C10orf90: variants seen among roughly 807,000 people sequenced by gnomAD.
The protein encoded by C10orf90 is chromosome 10 open reading frame 90.
C10orf90 carries 56 observed loss-of-function variants against 62.5 expected under a neutral mutation model. The observed-to-expected ratio is 0.90, with a 90% CI of 0.72 to 1.12. C10orf90 has a LOEUF of 1.12. C10orf90 is among the 50% of genes most tolerant of loss of function. The probability of loss-of-function intolerance (pLI) is 0.00; values close to 1 mark genes in which losing one functional copy is unlikely to be tolerated. For synonymous variants in C10orf90, 386 were observed against 340.4 expected, an observed-to-expected ratio of 1.13 and a Z score of -1.47; for missense variants, 970 against 880.4, an observed-to-expected ratio of 1.10 and a Z score of -1.29.
At chr10:126,543,936 A>T (rs1864432127) in intron 2 of C10orf90, among the ~76,000 whole-genome samples, 1 of 152,188 alleles carries the variant, frequency 6.6e-6, no homozygotes, top group South Asian at 2.1e-4. Context: ...GGTCGCGGTG[A>T]CATGTCAGCA....
intron 2 of C10orf90, among the ~76,000 whole-genome samples, chr10:126,519,735 AAGTCTTCCTGTCTTC>A (rs767508826): frequency 6.6e-6 from 1 of 152,146 alleles, no homozygotes; most frequent in Non-Finnish European, 1.5e-5. Context: ...TTTCTCTGGG[AAGTCTTCCTGTCTTC>A]AACTTCTGGT....
Position 126,621,644 on chromosome 10 carries a change from TA to T in C10orf90, c.313+24920del, listed in dbSNP as rs1290028647. Among the ~76,000 whole-genome samples the T allele has an allele frequency of 2.0e-5, 3 of 152,362 alleles. No homozygotes were observed. The East Asian group carries it at 5.8e-4, about 29-fold the overall frequency. ...TGATAATGATGACATATGGTATATT[TA>T]TTTTTAGTGGCATCTGCCATGAATA... On this transcript the variant is annotated intron_variant, in intron 2 of 9. Transcript: ENST00000488181.
intron 5 of C10orf90, among the ~76,000 whole-genome samples, chr10:126,461,968 C>T (rs1860012866): frequency 6.6e-6 from 1 of 152,156 alleles, no homozygotes; most frequent in African/African-American, 2.4e-5. Context: ...GCACTTACTA[C>T]ACTGATGATA....
chr10:126,518,711 G>A (rs1448484749), intron 2 of C10orf90, among the ~76,000 whole-genome samples: 1 of 152,158 alleles, frequency 6.6e-6, no homozygotes, highest in African/African-American at 2.4e-5. Flanking sequence ...GTGCTCACTA[G>A]TAGGTGCTAA....
chr10:126,629,082 C>G (rs1375539222), intron 2 of C10orf90, among the ~76,000 whole-genome samples: 4 of 152,198 alleles, frequency 2.6e-5, no homozygotes, highest in Non-Finnish European at 5.9e-5. Context: ...GCCAGTGTTC[C>G]AGACAATTAC....
intron 2 of C10orf90, among the ~76,000 whole-genome samples, chr10:126,603,787 C>T (rs1845249372): frequency 1.3e-5 from 2 of 152,120 alleles, no homozygotes; most frequent in Non-Finnish European, 2.9e-5. Context: ...ACCTCCCAGG[C>T]CGAAAAGGCC....
At chr10:126,608,940 G>A (rs1260641578) in intron 2 of C10orf90, among the ~76,000 whole-genome samples, 1 of 152,112 alleles carries the variant, frequency 6.6e-6, no homozygotes, top group Non-Finnish European at 1.5e-5. Flanking sequence ...ACTCTTCGGG[G>A]CCTCCAATAA....
At chr10:126,533,615 A>G (rs1457264983) in intron 2 of C10orf90, among the ~76,000 whole-genome samples, 1 of 152,148 alleles carries the variant, frequency 6.6e-6, no homozygotes, top group East Asian at 1.9e-4. Flanking sequence ...GAGCCCCCAC[A>G]TTTGAGTCCT....
chr10:126,464,650 C>T (rs11244990), intron 5 of C10orf90, 46 bp downstream of exon 5: 12 of 1,554,958 alleles, frequency 7.7e-6, no homozygotes, highest in South Asian at 7.2e-5. Flanking sequence ...AAATTTTTAT[C>T]GAATGTCAAG....
chr10:126,439,679 A>C (rs968245160), intron 7 of C10orf90, among the ~76,000 whole-genome samples: 1 of 152,214 alleles, frequency 6.6e-6, no homozygotes, highest in Admixed American at 6.5e-5. Context: ...GAAATTTAAA[A>C]GGAAGTAAAA....
chr10:126,439,766 GA>G (rs1468346850), intron 7 of C10orf90, among the ~76,000 whole-genome samples: 1 of 152,006 alleles, frequency 6.6e-6, no homozygotes, highest in South Asian at 2.1e-4. Flanking sequence ...TCTAGTCAAA[GA>G]AAAAAATTAT....
chr10:126,549,555 A>G (rs1481524886), intron 2 of C10orf90, among the ~76,000 whole-genome samples: 1 of 152,220 alleles, frequency 6.6e-6, no homozygotes, highest in Non-Finnish European at 1.5e-5. Context: ...TTACTCTTAC[A>G]CTGCTGGTGA....
intron 2 of C10orf90, among the ~76,000 whole-genome samples, chr10:126,644,219 CT>C (rs1364822831): frequency 1.3e-5 from 2 of 152,232 alleles, no homozygotes; most frequent in African/African-American, 2.4e-5. Context: ...GAGTTCCTCA[CT>C]CTGCCTTTCG....
At chr10:126,562,570 G>C (rs1482082994) in intron 2 of C10orf90, among the ~76,000 whole-genome samples, 2 of 152,208 alleles carry the variant, frequency 1.3e-5, no homozygotes, top group Non-Finnish European at 2.9e-5. Context: ...TGTCCCACCT[G>C]TCAAACGGGC....
In C10orf90 at chr10:126,597,038, A is replaced by G. The variant is rs536590792; in HGVS notation, c.313+49527T>C. Among the ~76,000 whole-genome samples, 9 of 152,362 alleles carry G rather than the reference A, an allele frequency of 5.9e-5. No individual in the cohort carries two copies. The East Asian group carries it at 1.7e-3, about 29-fold the overall frequency. On this transcript the variant is annotated intron_variant, in intron 2 of 9. Coordinates refer to ENST00000488181, the MANE Select transcript of C10orf90 (RefSeq NM_001350921.2). ...CCTATTATAATGGCTTATACTAAAA[A>G]TGCTGACAATATCAAGTGTTGCTGA...
chr10:126,510,350 A>T (rs960508045), intron 3 of C10orf90, among the ~76,000 whole-genome samples: 2 of 152,222 alleles, frequency 1.3e-5, no homozygotes, highest in African/African-American at 4.8e-5. Context: ...GACTACTTTT[A>T]AAACTGGGCA....
intron 2 of C10orf90, among the ~76,000 whole-genome samples, chr10:126,623,872 A>G (rs1406288940): frequency 1.3e-5 from 2 of 151,634 alleles, no homozygotes; most frequent in South Asian, 4.2e-4. Context: ...TGAGAGCTTC[A>G]TATGACAGGG....
At chr10:126,653,362 T>TC (rs1410368229) in intron 1 of C10orf90, among the ~76,000 whole-genome samples, 1 of 152,228 alleles carries the variant, frequency 6.6e-6, no homozygotes, top group African/African-American at 2.4e-5. Context: ...ATCAACAAAT[T>TC]TATAGAATAT....
At chr10:126,438,552 T>C (rs1221001181) in intron 7 of C10orf90, among the ~76,000 whole-genome samples, 1 of 152,066 alleles carries the variant, frequency 6.6e-6, no homozygotes, top group African/African-American at 2.4e-5. Context: ...ACAAATAACA[T>C]ATTTTTCAAA....
Sources: gnomAD v4.1 joint callset for allele counts (sites outside exome capture counted in the v4.1 genomes callset) on GRCh38, gnomAD v4.1.1 for gene constraint, MANE v1.5 for transcripts, NCBI Gene and HGNC (gene_info 2026-07-23, HGNC 2026-07-21) for gene names.